The following RARB variants were observed in gnomAD, a reference collection of about 807,000 sequenced individuals.
RARB encodes HBV-activated protein.
RARB carries 17 observed loss-of-function variants against 51.9 expected under a neutral mutation model. That is an observed-to-expected ratio of 0.33 (90% CI 0.22 to 0.49). RARB has a LOEUF of 0.49. Among genes scored for constraint, RARB ranks in the 20% least tolerant of loss-of-function variants. The probability of loss-of-function intolerance (pLI) is 0.99; values close to 1 mark genes in which losing one functional copy is unlikely to be tolerated. For missense variants in RARB, 369 were observed against 550.8 expected, an observed-to-expected ratio of 0.67 and a Z score of 3.30; for synonymous variants, 215 against 195.4, an observed-to-expected ratio of 1.10 and a Z score of -0.84.
At chr3:25,130,980 GATA>G (rs894347907) in intron 3 of RARB, among the ~76,000 whole-genome samples, 4 of 29,494 alleles carry the variant, frequency 1.4e-4, no homozygotes, top group South Asian at 5.9e-4. Flanking sequence ...ATTTATTATT[GATA>G]ATATTATCAA....
chr3:25,339,952 C>A (rs761667288), intron 5 of RARB, among the ~76,000 whole-genome samples: 1 of 152,120 alleles, frequency 6.6e-6, no homozygotes, highest in African/African-American at 2.4e-5. Context: ...AAGTAAGAGG[C>A]CTACTGTGGA....
intron 4 of RARB, among the ~76,000 whole-genome samples, chr3:25,164,263 C>T (rs1464671991): frequency 6.6e-6 from 1 of 152,184 alleles, no homozygotes; most frequent in East Asian, 1.9e-4. Flanking sequence ...GTCCAAATAT[C>T]ACCCATAGCC....
intron 2 of RARB, among the ~76,000 whole-genome samples, chr3:24,987,504 T>C (rs71311518): frequency 0.13 from 19,811 of 152,272 alleles, 1,470 homozygotes; most frequent in Non-Finnish European, 0.17. Context: ...AAGAAAGAGA[T>C]GGATCCTCTG....
chr3:25,165,528 C>T (rs1700547926), intron 4 of RARB, among the ~76,000 whole-genome samples: 1 of 152,138 alleles, frequency 6.6e-6, no homozygotes, highest in East Asian at 1.9e-4. Flanking sequence ...GCTGAATTTC[C>T]CTTGAGAACC....
chr3:25,144,127 G>A (rs1002248858), intron 4 of RARB, among the ~76,000 whole-genome samples: 4 of 152,140 alleles, frequency 2.6e-5, no homozygotes, highest in African/African-American at 9.7e-5. Flanking sequence ...AGAATTTGTT[G>A]AGCAACTACT....
intron 5 of RARB, among the ~76,000 whole-genome samples, chr3:25,222,350 G>A (rs1701966106): frequency 6.6e-6 from 1 of 152,080 alleles, no homozygotes; most frequent in South Asian, 2.1e-4. Context: ...TATTGCTGAT[G>A]TTCTTACTCG....
At chr3:25,168,831 G>A (rs1336977727) in intron 4 of RARB, among the ~76,000 whole-genome samples, 1 of 152,084 alleles carries the variant, frequency 6.6e-6, no homozygotes, top group South Asian at 2.1e-4. Flanking sequence ...ATCAAAGGAA[G>A]CATAAAATAA....
At chr3:25,066,484 T>G (rs1698664597) in intron 3 of RARB, among the ~76,000 whole-genome samples, 1 of 152,186 alleles carries the variant, frequency 6.6e-6, no homozygotes. Flanking sequence ...AAAGGCAGTA[T>G]GGGCAAATCC....
chr3:25,408,279 G>A (rs1303751273), intron 5 of RARB, among the ~76,000 whole-genome samples: 1 of 152,106 alleles, frequency 6.6e-6, no homozygotes, highest in East Asian at 1.9e-4. Flanking sequence ...ATACAGAAAA[G>A]AGGTTTAGTT....
intron 4 of RARB, among the ~76,000 whole-genome samples, chr3:25,169,989 T>TAA (rs58403240): frequency 9.5e-5 from 13 of 137,462 alleles, no homozygotes; most frequent in Admixed American, 5.7e-4. Flanking sequence ...CCTTATTTCT[T>TAA]AAAAAAAAAA....
intron 2 of RARB, among the ~76,000 whole-genome samples, chr3:24,935,615 A>T (rs927697951): frequency 2.6e-5 from 4 of 152,106 alleles, no homozygotes; most frequent in Non-Finnish European, 1.5e-5. Flanking sequence ...TTTTATGCTG[A>T]TTTTTCACAA....
chr3:24,932,231 T>C (rs1267580427), intron 2 of RARB, among the ~76,000 whole-genome samples: 2 of 151,934 alleles, frequency 1.3e-5, no homozygotes, highest in African/African-American at 4.8e-5. Context: ...CAAGCAGAGA[T>C]AAAGGGGAGG....
chr3:25,073,593 C>T (rs1347170746), intron 3 of RARB, among the ~76,000 whole-genome samples: 1 of 152,204 alleles, frequency 6.6e-6, no homozygotes, highest in Non-Finnish European at 1.5e-5. Flanking sequence ...TCAAACTCAT[C>T]TGACCCTTGG....
At chr3:25,072,868 C>A (rs991278496) in intron 3 of RARB, among the ~76,000 whole-genome samples, 3 of 151,948 alleles carry the variant, frequency 2.0e-5, no homozygotes, top group Admixed American at 6.6e-5. Flanking sequence ...GCCACCACGC[C>A]GGGCTAATTT....
intron 5 of RARB, among the ~76,000 whole-genome samples, chr3:25,338,440 T>C (rs1705129142): frequency 6.6e-6 from 1 of 152,206 alleles, no homozygotes; most frequent in African/African-American, 2.4e-5. Context: ...ACATTCTCTT[T>C]GCCACCTTTG....
intron 5 of RARB, among the ~76,000 whole-genome samples, chr3:25,219,888 T>C (rs1234433578): frequency 6.6e-6 from 1 of 152,130 alleles, no homozygotes; most frequent in East Asian, 1.9e-4. Context: ...GAAAAAATAA[T>C]CTAAGAGCAG....
intron 2 of RARB, among the ~76,000 whole-genome samples, chr3:24,921,590 T>A (rs73049488): frequency 6.6e-6 from 1 of 152,072 alleles, no homozygotes; most frequent in Non-Finnish European, 1.5e-5. Context: ...CTTTCTTCTT[T>A]TCTGCTTCTT....
intron 2 of RARB, among the ~76,000 whole-genome samples, chr3:25,039,443 AG>A (rs1698068946): frequency 6.6e-6 from 1 of 152,338 alleles, no homozygotes; most frequent in East Asian, 1.9e-4. Context: ...GTAACTTACT[AG>A]TAATTTTAAT....
intron 5 of RARB, among the ~76,000 whole-genome samples, chr3:25,201,776 G>A (rs1701396664): frequency 1.3e-5 from 2 of 152,220 alleles, no homozygotes; most frequent in African/African-American, 2.4e-5. Context: ...TCCCAGGGAT[G>A]AAGCCCACTT....
Sources: gnomAD v4.1 joint callset for allele counts (sites outside exome capture counted in the v4.1 genomes callset) on GRCh38, gnomAD v4.1.1 for gene constraint, MANE v1.5 for transcripts, NCBI Gene and HGNC (gene_info 2026-07-23, HGNC 2026-07-21) for gene names.